The following ASIC2 variants were observed in gnomAD, a reference collection of about 807,000 sequenced individuals.
ASIC2 encodes the protein acid sensing ion channel subunit 2, also known as acid-sensing ion channel 2.
ASIC2 carries 25 observed loss-of-function variants against 57.3 expected under a neutral mutation model. That is an observed-to-expected ratio of 0.44 (90% CI 0.32 to 0.61). ASIC2 has a LOEUF of 0.61. Ranked by LOEUF, ASIC2 falls within the 20% of genes least tolerant of loss-of-function variation. The probability of loss-of-function intolerance (pLI) is 0.06; values close to 1 mark genes in which losing one functional copy is unlikely to be tolerated. For synonymous variants in ASIC2, 319 were observed against 307.5 expected (o/e 1.04, Z -0.39); for missense variants, 641 against 738.1 (o/e 0.87, Z 1.52).
In ASIC2 at chr17:33,791,216, T is replaced by C. The variant is rs554604651; in HGVS notation, c.555+364762A>G. The stretch of plus-strand genomic sequence containing the variant: ...GTCACTCTGTGTGGAAGCCTTCTTG[T>C]GGGTGAGGTAGGCAGGCAAGAATCC... On this transcript the variant is annotated intron_variant, in intron 1 of 9. Transcript: ENST00000359872. Among the ~76,000 whole-genome samples the C allele has an allele frequency of 5.9e-5, 9 of 152,258 alleles. 1 individual carries two copies. In the Middle Eastern group the frequency reaches 0.01, roughly 173 times the overall value.
chr17:33,681,661 G>A lies in ASIC2; in HGVS notation c.555+474317C>T, dbSNP rs567548066. Among the ~76,000 whole-genome samples the A allele has an allele frequency of 7.2e-5, 11 of 152,318 alleles. No homozygotes were observed. The South Asian group carries it at 2.3e-3, about 32-fold the overall frequency. Reference sequence around the variant, plus strand: ...TCAGCTTTGGGCTGTTACTCACGCCGTTCCTGCTTCCTGAAATCCTGAAAT... The same window carrying A: ...TCAGCTTTGGGCTGTTACTCACGCCATTCCTGCTTCCTGAAATCCTGAAAT... On this transcript the variant is annotated intron_variant, in intron 1 of 9. Transcript: ENST00000359872.
intron 1 of ASIC2, among the ~76,000 whole-genome samples, chr17:33,768,031 C>T (rs1423938004): frequency 2.0e-5 from 3 of 148,800 alleles, no homozygotes; most frequent in African/African-American, 5.0e-5. Flanking sequence ...TTTTTTGAGA[C>T]GGAGTCTCAC....
intron 3 of ASIC2, among the ~76,000 whole-genome samples, chr17:33,036,142 T>C (rs2091907638): frequency 6.6e-6 from 1 of 152,244 alleles, no homozygotes; most frequent in Non-Finnish European, 1.5e-5. Flanking sequence ...TATTAGCTTC[T>C]CCACCATTAC....
At chr17:33,127,978 G>T (rs1299990234) in intron 1 of ASIC2, among the ~76,000 whole-genome samples, 1 of 152,196 alleles carries the variant, frequency 6.6e-6, no homozygotes, top group Non-Finnish European at 1.5e-5. Flanking sequence ...GCTCTGCCCA[G>T]CCCTGCCTTT....
chr17:33,664,394 T>A (rs975018452), intron 1 of ASIC2, among the ~76,000 whole-genome samples: 4 of 152,160 alleles, frequency 2.6e-5, no homozygotes, highest in Admixed American at 2.0e-4. Flanking sequence ...ACTGAAACAT[T>A]CATTCGTGTG....
chr17:33,973,668 G>A (rs757147589), intron 1 of ASIC2, among the ~76,000 whole-genome samples: 9 of 152,162 alleles, frequency 5.9e-5, no homozygotes, highest in Non-Finnish European at 8.8e-5. Flanking sequence ...GAGAGGAGTG[G>A]CTTGTTCCTG....
Position 34,156,059 on chromosome 17 carries a change from G to C in ASIC2, c.474C>G (p.His158Gln). The stretch of plus-strand genomic sequence containing the variant: ...TATCCTTCAGGTCATGGCCCACACG[G>C]TGCAGGAACTCCAGCATGCTGAACT... The change falls in exon 1 of 10, where the codon CAC (histidine) becomes CAG (glutamine). Residue 158 changes from histidine to glutamine, a missense_variant. Transcript: ENST00000359872. The surrounding 1 kb of genome is among the most constrained non-coding windows in gnomAD (Gnocchi z 4.4). The C allele has an allele frequency of 1.9e-6, 3 of 1,613,972 alleles. No individual in the cohort carries two copies. The highest frequency in any genetic ancestry group is 2.5e-6 in the Non-Finnish European group (3 of 1,180,032).
rs779214437 is a variant in ASIC2 at position 34,081,332 on chromosome 17, G to A, written c.555+74646C>T. Among the ~76,000 whole-genome samples the A allele has an allele frequency of 2.6e-5, 4 of 152,238 alleles. 1 individual carries two copies. The South Asian group carries it at 8.3e-4, about 32-fold the overall frequency. On this transcript the variant is annotated intron_variant, in intron 1 of 9. Transcript: ENST00000359872. Reference sequence around the variant, plus strand: ...TGGGTATCAGATATCTACTTTGCTAGGCACTAGATAGATAGATATCCTTAG... The same window carrying A: ...TGGGTATCAGATATCTACTTTGCTAAGCACTAGATAGATAGATATCCTTAG...
chr17:33,768,531 A>G lies in ASIC2; in HGVS notation c.555+387447T>C, dbSNP rs114848875. 3.3e-3 allele frequency among the ~76,000 whole-genome samples: 497 copies of G among 152,224 alleles called. 1 individual carries two copies. Among genetic ancestry groups the G allele is most frequent in the African/African-American group, 0.012 (480 of 41,538 alleles). ...GGCTGGCATTTTCTATCCGTTGGAA[A>G]TTCGCTTTAACTCAATATCATGTAC... On this transcript the variant is annotated intron_variant, in intron 1 of 9. Coordinates refer to the ASIC2 transcript ENST00000359872.
chr17:33,473,224 A>G (rs1333692934), intron 1 of ASIC2, among the ~76,000 whole-genome samples: 2 of 152,236 alleles, frequency 1.3e-5, no homozygotes, highest in Non-Finnish European at 2.9e-5. Flanking sequence ...CATAATATCC[A>G]TCTGTTCGGT....
chr17:33,097,057 T>A (rs544144244), intron 2 of ASIC2, among the ~76,000 whole-genome samples: 124 of 152,334 alleles, frequency 8.1e-4, no homozygotes, highest in African/African-American at 2.9e-3. Context: ...ACAAAGCAGA[T>A]CCAGAATCCA....
At chr17:33,875,799 T>G (rs1266965307) in intron 1 of ASIC2, among the ~76,000 whole-genome samples, 1 of 152,168 alleles carries the variant, frequency 6.6e-6, no homozygotes, top group African/African-American at 2.4e-5. Flanking sequence ...TGGATTTTTT[T>G]TTTTTAAAGA....
At chr17:33,105,538 G>A (rs931847978) in intron 2 of ASIC2, among the ~76,000 whole-genome samples, 1 of 152,166 alleles carries the variant, frequency 6.6e-6, no homozygotes, top group African/African-American at 2.4e-5. Flanking sequence ...CCAGTAAAGT[G>A]GGATATTGCT....
chr17:33,854,956 A>G (rs1913879713), intron 1 of ASIC2, among the ~76,000 whole-genome samples: 1 of 152,196 alleles, frequency 6.6e-6, no homozygotes, highest in African/African-American at 2.4e-5. Context: ...CAAAAGTAGG[A>G]GGAACCTCTG....
At chr17:33,488,332 G>A (rs1283169764) in intron 1 of ASIC2, among the ~76,000 whole-genome samples, 3 of 152,138 alleles carry the variant, frequency 2.0e-5, no homozygotes, top group Non-Finnish European at 4.4e-5. Flanking sequence ...ATCCCCCAGT[G>A]TTAGGAAACT....
At chr17:33,846,626 G>A (rs1913612257) in intron 1 of ASIC2, among the ~76,000 whole-genome samples, 1 of 152,030 alleles carries the variant, frequency 6.6e-6, no homozygotes, top group African/African-American at 2.4e-5. Context: ...AAAACTGGAT[G>A]TTTGCCGTTA....
Position 33,487,627 on chromosome 17 carries a change from G to C in ASIC2, c.556-375560C>G, listed in dbSNP as rs554779107. 4.6e-5 allele frequency among the ~76,000 whole-genome samples: 7 copies of C among 152,308 alleles called. No homozygotes were observed. The South Asian group carries it at 8.3e-4, about 18-fold the overall frequency. ...ATTATTCCTGGGTGTGTCTGTGAGG[G>C]TGTTGCCAAAGGAGATTAACATTTG... On this transcript the variant is annotated intron_variant, in intron 1 of 9. Coordinates refer to the ASIC2 transcript ENST00000359872.
rs116867287 is a variant in ASIC2 at position 33,809,282 on chromosome 17, T to C, written c.555+346696A>G. 5.9e-5 allele frequency among the ~76,000 whole-genome samples: 9 copies of C among 152,294 alleles called. No individual in the cohort carries two copies. The East Asian group carries it at 1.7e-3, about 29-fold the overall frequency. ...ACTGGCGTTCCAGCCCTACTTCATG[T>C]CTGAACCCCAGTGGAGTGTGTGTGT... On this transcript the variant is annotated intron_variant, in intron 1 of 9. Transcript: ENST00000359872.
chr17:34,069,307 TTC>T (rs1567807862), intron 1 of ASIC2: 2 of 95,056 alleles, frequency 2.1e-5, no homozygotes, highest in Admixed American at 2.0e-4. Flanking sequence ...TCTTCCTTCC[TTC>T]CTTTCTTCCT....
Sources: allele counts gnomAD v4.1 joint callset (sites outside exome capture counted in the v4.1 genomes callset), GRCh38; gene constraint gnomAD v4.1.1; non-coding constraint Gnocchi (gnomAD v3.1); transcripts MANE v1.5; gene names NCBI Gene and HGNC (gene_info 2026-07-23, HGNC 2026-07-21).